The following RYR2 variants were observed in gnomAD, a reference collection of about 807,000 sequenced individuals.
RYR2 encodes ryanodine receptor 2.
Under a neutral mutation model 601.1 loss-of-function variants are expected in RYR2, and 227 were observed. The observed-to-expected ratio is 0.38, with a 90% CI of 0.34 to 0.42. The LOEUF (loss-of-function observed/expected upper bound fraction) is 0.42. RYR2 is among the 10% of genes least tolerant of loss of function. The pLI is 1.00. For synonymous variants in RYR2, 2,223 were observed against 2,175.1 expected (o/e 1.02, Z -0.61); for missense variants, 4,646 against 6,156.5 (o/e 0.75, Z 8.21).
At chr1:237,669,697 C>T (rs546137146) in intron 58 of RYR2, among the ~76,000 whole-genome samples, 4 of 150,346 alleles carry the variant, frequency 2.7e-5, no homozygotes, top group African/African-American at 4.9e-5. Flanking sequence ...GATGGGCGGC[C>T]GGGCAGAGAC....
chr1:237,470,910 AAGAG>A (rs921177175), intron 17 of RYR2, among the ~76,000 whole-genome samples: 13 of 150,562 alleles, frequency 8.6e-5, no homozygotes, highest in East Asian at 3.9e-4. Context: ...AGAGAGAGGA[AAGAG>A]AGAGAGAGAG....
intron 1 of RYR2, among the ~76,000 whole-genome samples, chr1:237,266,926 G>A (rs2149333010): frequency 6.6e-6 from 1 of 152,304 alleles, no homozygotes; most frequent in East Asian, 1.9e-4. Context: ...GTATAGTGGA[G>A]CTCTCCTGAA....
At chr1:237,256,324 C>T (rs993126370) in intron 1 of RYR2, among the ~76,000 whole-genome samples, 1 of 152,182 alleles carries the variant, frequency 6.6e-6, no homozygotes, top group Non-Finnish European at 1.5e-5. Context: ...ATAAATTACT[C>T]AGTCTCTGGT....
intron 26 of RYR2, among the ~76,000 whole-genome samples, chr1:237,550,310 ATTG>A (rs1015381417): frequency 6.6e-6 from 1 of 152,002 alleles, no homozygotes; most frequent in African/African-American, 2.4e-5. Flanking sequence ...GTTTTTTGTT[ATTG>A]TTGTTTTTCC....
At chr1:237,373,866 A>G (rs961611816) in intron 6 of RYR2, among the ~76,000 whole-genome samples, 5 of 152,210 alleles carry the variant, frequency 3.3e-5, no homozygotes, top group Admixed American at 3.3e-4. Flanking sequence ...TGGAAACAAA[A>G]CTAGAAGATA....
chr1:237,564,284 T>C (rs1310006928), intron 27 of RYR2, among the ~76,000 whole-genome samples: 1 of 152,172 alleles, frequency 6.6e-6, no homozygotes, highest in African/African-American at 2.4e-5. Flanking sequence ...TTCTTTCTTT[T>C]TTTAAACACA....
intron 10 of RYR2, among the ~76,000 whole-genome samples, chr1:237,416,767 G>GAC (rs1342013931): frequency 1.3e-5 from 2 of 151,682 alleles, no homozygotes; most frequent in Non-Finnish European, 2.9e-5. Context: ...CACACACAGA[G>GAC]AGAGAGAGAG....
At chr1:237,465,795 C>A (rs1041975966) in intron 16 of RYR2, among the ~76,000 whole-genome samples, 9 of 152,186 alleles carry the variant, frequency 5.9e-5, no homozygotes, top group African/African-American at 2.2e-4. Context: ...CAGCAAATTA[C>A]CATACTGAAT....
At chr1:237,305,036 A>G (rs1002735684) in intron 2 of RYR2, among the ~76,000 whole-genome samples, 3 of 152,250 alleles carry the variant, frequency 2.0e-5, no homozygotes, top group Non-Finnish European at 4.4e-5. Flanking sequence ...AATGTGGAGC[A>G]GGAGGAACTT....
chr1:237,131,329 A>C (rs940992951), intron 1 of RYR2, among the ~76,000 whole-genome samples: 1 of 152,118 alleles, frequency 6.6e-6, no homozygotes, highest in Non-Finnish European at 1.5e-5. Context: ...GGTTGTAAAT[A>C]TTATTATCTT....
rs546222756 is a variant in RYR2, at chr1:237,290,831, T to A, written c.168+20215T>A. Among the ~76,000 whole-genome samples, 3 of 152,320 alleles carry A rather than the reference T, an allele frequency of 2.0e-5. No homozygotes were observed. In the South Asian group the frequency reaches 6.2e-4, roughly 32 times the overall value. ...TATCCAAGTAGGAAAATGTTCAATA[T>A]GTTTGAAGAAATATTTCACGGAAAA... On this transcript the variant is annotated intron_variant, in intron 2 of 104. Transcript: ENST00000366574.
At chr1:237,103,824 C>A (rs2148533565) in intron 1 of RYR2, among the ~76,000 whole-genome samples, 1 of 152,350 alleles carries the variant, frequency 6.6e-6, no homozygotes, top group South Asian at 2.1e-4. Context: ...CCGCCTCGGC[C>A]TCCCAAAGTG....
intron 10 of RYR2, among the ~76,000 whole-genome samples, chr1:237,389,959 A>G (rs1307589534): frequency 2.0e-5 from 3 of 152,178 alleles, no homozygotes; most frequent in African/African-American, 7.2e-5. Context: ...TGAAGGCTGT[A>G]AAGACCTGGA....
chr1:237,822,911 T>C (rs1662672448), intron 101 of RYR2, among the ~76,000 whole-genome samples: 1 of 152,150 alleles, frequency 6.6e-6, no homozygotes, highest in African/African-American at 2.4e-5. Context: ...GAACAGACTT[T>C]AAACCAACGA....
intron 2 of RYR2, among the ~76,000 whole-genome samples, chr1:237,274,192 T>C (rs996127833): frequency 3.3e-5 from 5 of 150,676 alleles, no homozygotes; most frequent in Middle Eastern, 3.5e-3. Flanking sequence ...ACATATTATA[T>C]ATGATATGTA....
In RYR2 at chr1:237,535,484, T is replaced by TACACACACAC. The variant is rs58146773; in HGVS notation, c.2906+4999_2906+5008dup. Among the ~76,000 whole-genome samples, 321 of 144,718 alleles carry TACACACACAC rather than the reference T, an allele frequency of 2.2e-3. 1 individual carries two copies. The highest frequency in any genetic ancestry group is 8.1e-3 in the East Asian group (40 of 4,946). 94.9% of individuals were successfully genotyped at this position (144,718 alleles called of 152,430 possible). On this transcript the variant is annotated intron_variant, in intron 25 of 104. Transcript: ENST00000366574. The stretch of plus-strand genomic sequence containing the variant: ...TTAAAGGAATTGAATCAAACACACA[T>TACACACACAC]ACACACACACACACACACACACACA...
intron 1 of RYR2, among the ~76,000 whole-genome samples, chr1:237,107,535 A>AAAAAAAAAAAAAAG (rs1395015156): frequency 6.7e-6 from 1 of 149,810 alleles, no homozygotes; most frequent in African/African-American, 2.4e-5. Context: ...AAAAAAAAAA[A>AAAAAAAAAAAAAAG]AGGAAACATT....
chr1:237,544,383 A>G (rs1181389206), intron 25 of RYR2, among the ~76,000 whole-genome samples: 1 of 152,196 alleles, frequency 6.6e-6, no homozygotes, highest in African/African-American at 2.4e-5. Flanking sequence ...AGAAAGTAGA[A>G]TGTAATACAG....
At chr1:237,266,759 G>A (rs1689101760) in intron 1 of RYR2, among the ~76,000 whole-genome samples, 1 of 151,932 alleles carries the variant, frequency 6.6e-6, no homozygotes, top group African/African-American at 2.4e-5. Flanking sequence ...ATTGAAAGCT[G>A]TAGCTATAGC....
Sources: allele counts gnomAD v4.1 joint callset (sites outside exome capture counted in the v4.1 genomes callset), GRCh38; gene constraint gnomAD v4.1.1; transcripts MANE v1.5; gene names NCBI Gene and HGNC (gene_info 2026-07-23, HGNC 2026-07-21).